Variants in EPAS1 observed in about 807,000 individuals in gnomAD.
EPAS1 encodes the protein endothelial PAS domain-containing protein 1.
EPAS1 carries 23 observed loss-of-function variants against 87.9 expected under a neutral mutation model. The ratio of observed to expected loss-of-function variants is 0.26; its 90% CI spans 0.19 to 0.37. The LOEUF is 0.37. EPAS1 is among the 10% of genes least tolerant of loss of function. The pLI, the probability that EPAS1 is intolerant of heterozygous loss-of-function variation, is 1.00. For missense variants in EPAS1, 1,138 were observed against 1,120.7 expected, an observed-to-expected ratio of 1.02 and a Z score of -0.22; for synonymous variants, 508 against 444.3, an observed-to-expected ratio of 1.14 and a Z score of -1.80.
At position 46,356,234 on chromosome 2, in the gene EPAS1, G is replaced by A. The variant is rs181240421; in HGVS notation, c.301G>A (p.Val101Met). The A allele has an allele frequency of 3.7e-5, 60 of 1,611,854 alleles. No individual in the cohort carries two copies. The highest frequency in any genetic ancestry group is 2.4e-4 in the South Asian group (22 of 90,978). Residue 101 changes from valine (V) to methionine (M), a missense_variant, in exon 3 of 16, where the codon GTG becomes ATG. Coordinates refer to ENST00000263734, the MANE Select transcript of EPAS1 (RefSeq NM_001430.5). ...GAAAGCCTTGGAGGGTTTCATTGCCGTGGTGACCCAAGATGGCGACATGAT... is the reference window on the plus strand; with the variant it reads ...GAAAGCCTTGGAGGGTTTCATTGCCATGGTGACCCAAGATGGCGACATGAT... ...YLKALEGFIA[V>M]VTQDGDMIFL...
chr2:46,318,070 C>T (rs1275067394), intron 1 of EPAS1, among the ~76,000 whole-genome samples: 2 of 152,148 alleles, frequency 1.3e-5, no homozygotes, highest in African/African-American at 2.4e-5. Flanking sequence ...AGATGTGACT[C>T]TTCCTTTCAT....
At position 46,378,072 on chromosome 2, in the gene EPAS1, C is replaced by T. The variant is rs1395087409; in HGVS notation, c.1428C>T (p.Ser476=). Residue 476 remains serine (S), a synonymous_variant, in exon 10 of 16, where the codon AGC becomes AGT. Transcript: ENST00000263734. Reference sequence around the variant, plus strand: ...CCACCCCCAGTGCCACCAGCAGCAGCAGCAGCTGCTCCACGGTGAGCAGCC... The same window carrying T: ...CCACCCCCAGTGCCACCAGCAGCAGTAGCAGCTGCTCCACGGTGAGCAGCC... ...GSTTPSATSS[S]SSCSTPNSPE... The T allele has an allele frequency of 1.2e-6, 2 of 1,604,526 alleles. No individual in the cohort carries two copies. Among genetic ancestry groups the T allele is most frequent in the South Asian group, 1.1e-5 (1 of 89,420 alleles).
intron 6 of EPAS1, among the ~76,000 whole-genome samples, chr2:46,361,403 A>G (rs1684384816): frequency 6.6e-6 from 1 of 152,164 alleles, no homozygotes; most frequent in African/African-American, 2.4e-5. Context: ...TTCTCAAGGC[A>G]GTCTTCTGCC....
At chr2:46,336,358 G>C (rs1289782795) in intron 1 of EPAS1, among the ~76,000 whole-genome samples, 1 of 152,114 alleles carries the variant, frequency 6.6e-6, no homozygotes, top group African/African-American at 2.4e-5. Context: ...CACCAAGACA[G>C]GGAGGCCTTT....
At chr2:46,336,511 G>A (rs1412964529) in intron 1 of EPAS1, among the ~76,000 whole-genome samples, 2 of 152,292 alleles carry the variant, frequency 1.3e-5, no homozygotes, top group East Asian at 3.9e-4. Flanking sequence ...AATGATACAG[G>A]TAGGGAAGAC....
chr2:46,377,024 C>T (rs1031895788), intron 9 of EPAS1, among the ~76,000 whole-genome samples: 14 of 152,290 alleles, frequency 9.2e-5, no homozygotes, highest in Middle Eastern at 3.4e-3. Flanking sequence ...GGTCGATTCT[C>T]CACCATGGGT....
chr2:46,334,507 C>A (rs897546459), intron 1 of EPAS1, among the ~76,000 whole-genome samples: 1 of 152,270 alleles, frequency 6.6e-6, no homozygotes, highest in East Asian at 1.9e-4. Context: ...AAGCCAACCT[C>A]CAGCAGAGTT....
At chr2:46,353,507 G>A (rs1684212117) in intron 2 of EPAS1, among the ~76,000 whole-genome samples, 1 of 152,230 alleles carries the variant, frequency 6.6e-6, no homozygotes, top group African/African-American at 2.4e-5. Flanking sequence ...CGCAAATTAT[G>A]TAGCAGTGCT....
In EPAS1 at chr2:46,302,112, T is replaced by TTCTC. The variant is rs145081558; in HGVS notation, c.26+4179_26+4182dup. On this transcript the variant is annotated intron_variant, in intron 1 of 15. Transcript: ENST00000263734. ...TTTAATTTACTTAGAATGTCCCTCT[T>TTCTC]TCTCTCTGTGTGTGTGTGTGTGTGT... Among the ~76,000 whole-genome samples the TTCTC allele has an allele frequency of 1.1e-3, 136 of 125,306 alleles. 5 individuals carry two copies. The highest frequency in any genetic ancestry group is 3.7e-3 in the African/African-American group (117 of 31,272). 82.2% of individuals were successfully genotyped at this position (125,306 alleles called of 152,430 possible). A position where few individuals can be genotyped will look rare whatever the true frequency, so the allele number is the denominator to read the frequency against.
intron 11 of EPAS1, 112 bp downstream of exon 11, chr2:46,378,879 G>C (rs752007607): frequency 9.5e-7 from 1 of 1,056,972 alleles, no homozygotes. Context: ...CAGTGGAGAC[G>C]TTTGGCCAAG....
chr2:46,373,251 T>C (rs561534558), intron 7 of EPAS1, among the ~76,000 whole-genome samples: 3 of 152,350 alleles, frequency 2.0e-5, no homozygotes, highest in African/African-American at 4.8e-5. Context: ...ACATATACTT[T>C]ACAGGTAAGC....
intron 1 of EPAS1, among the ~76,000 whole-genome samples, chr2:46,333,067 G>T (rs530574726): frequency 5.3e-5 from 8 of 152,204 alleles, no homozygotes; most frequent in African/African-American, 1.9e-4. Context: ...TTAGTATACA[G>T]GGATTTGTTT....
Position 46,356,820 on chromosome 2 carries a change from TG to T in EPAS1, c.454+13del. 6.3e-7 allele frequency: 1 copy of T among 1,596,948 alleles called. No individual in the cohort carries two copies. The highest frequency in any genetic ancestry group is 8.6e-7 in the Non-Finnish European group (1 of 1,164,434). The stretch of plus-strand genomic sequence containing the variant: ...GAGTCTCAAAAATGGTATCCTTAAT[TG>T]TGTTTACTTCCTTCTTGCCCCCACT... On this transcript the variant is annotated intron_variant, in intron 4 of 15. Transcript: ENST00000263734.
Position 46,386,305 on chromosome 2 carries a change from T to C in EPAS1, c.*1645T>C, listed in dbSNP as rs1345390769. ...GGGCCAACTATTTAGTAAGCCCGGA[T>C]AGACTTATTGCCAAAAACAAAAAAT... On this transcript the variant is annotated 3_prime_UTR_variant, in exon 16 of 16. Coordinates refer to ENST00000263734, the MANE Select transcript of EPAS1 (RefSeq NM_001430.5). 6.6e-6 allele frequency: 1 copy of C among 152,576 alleles called. No homozygotes were observed. The highest frequency in any genetic ancestry group is 6.5e-5 in the Admixed American group (1 of 15,286). The allele number at this position is 152,576 out of a possible 1,614,324, so 9.5% of individuals were successfully genotyped here.
chr2:46,376,419 G>T, intron 8 of EPAS1, 120 bp from the exon 9 acceptor site: 2 of 919,872 alleles, frequency 2.2e-6, no homozygotes, highest in Non-Finnish European at 1.8e-6. Context: ...AGACGCCAAT[G>T]CCTGGAGTCC....
At chr2:46,316,384 C>T (rs377758481) in intron 1 of EPAS1, among the ~76,000 whole-genome samples, 12 of 152,048 alleles carry the variant, frequency 7.9e-5, no homozygotes, top group African/African-American at 1.2e-4. Flanking sequence ...TCAGCACCCC[C>T]GAGTAGCTGG....
At chr2:46,370,079 T>G in intron 7 of EPAS1, 146 bp downstream of exon 7, 1 of 731,934 alleles carries the variant, frequency 1.4e-6, no homozygotes, top group Non-Finnish European at 2.4e-6. Context: ...GCCCTCAAGA[T>G]GGTTAGAAAA....
At chr2:46,298,965 G>T (rs1682941245) in intron 1 of EPAS1, among the ~76,000 whole-genome samples, 1 of 152,248 alleles carries the variant, frequency 6.6e-6, no homozygotes. Flanking sequence ...CTTGGCCGCG[G>T]CTTGGCGAGG....
rs142091951 is a variant in EPAS1 at position 46,302,645 on chromosome 2, C to A, written c.26+4708C>A. Among the ~76,000 whole-genome samples the A allele has an allele frequency of 5.4e-3, 811 of 149,486 alleles. 8 individuals carry two copies. Among genetic ancestry groups the A allele is most frequent in the African/African-American group, 0.019 (773 of 40,416 alleles). On this transcript the variant is annotated intron_variant, in intron 1 of 15. Transcript: ENST00000263734. ...CATAAGATGACAAACTTGTATTCAA[C>A]ACCGACTCCTACTCTGGCTAAAATG...
Sources: allele counts gnomAD v4.1 joint callset (sites outside exome capture counted in the v4.1 genomes callset), GRCh38; gene constraint gnomAD v4.1.1; transcripts MANE v1.5; gene names NCBI Gene and HGNC (gene_info 2026-07-23, HGNC 2026-07-21).